The following ETV6 variants were observed in gnomAD, a reference collection of about 807,000 sequenced individuals.
The protein encoded by ETV6 is ETS variant transcription factor 6.
In ETV6, 16 loss-of-function variants were observed where a neutral mutation model predicts 51.1. The ratio of observed to expected loss-of-function variants is 0.31; its 90% confidence interval spans 0.21 to 0.48. The LOEUF (loss-of-function observed/expected upper bound fraction) is 0.48, where lower values mean the gene tolerates loss of function less well. Among genes scored for constraint, ETV6 ranks in the 20% least tolerant of loss-of-function variants. The probability of loss-of-function intolerance (pLI) is 0.99; values close to 1 mark genes in which losing one functional copy is unlikely to be tolerated. For missense variants in ETV6, 458 were observed against 594.8 expected (o/e 0.77, Z 2.39); for synonymous variants, 240 against 224.1 (o/e 1.07, Z -0.64).
chr12:11,705,969 G>A (rs1457289678), intron 1 of ETV6, among the ~76,000 whole-genome samples: 1 of 151,688 alleles, frequency 6.6e-6, no homozygotes, highest in Non-Finnish European at 1.5e-5. Flanking sequence ...TTATTGTAGC[G>A]GCAGGAGCTC....
chr12:11,774,714 G>A (rs182484413), intron 2 of ETV6, among the ~76,000 whole-genome samples: 1 of 152,274 alleles, frequency 6.6e-6, no homozygotes, highest in African/African-American at 2.4e-5. Flanking sequence ...ACCTTTTCTA[G>A]CACAATCAAG....
chr12:11,834,933 A>C (rs554383473), intron 2 of ETV6, among the ~76,000 whole-genome samples: 1 of 152,344 alleles, frequency 6.6e-6, no homozygotes, highest in African/African-American at 2.4e-5. Flanking sequence ...CCCAGAATCA[A>C]ATGTTAATTC....
At chr12:11,735,847 G>A (rs12310333) in intron 1 of ETV6, among the ~76,000 whole-genome samples, 10,227 of 152,260 alleles carry the variant, frequency 0.067, 1,106 homozygotes, top group African/African-American at 0.23. Context: ...TGATCCACCC[G>A]CCTTGGCCTC....
At chr12:11,809,961 AGGCAC>A (rs1945889571) in intron 2 of ETV6, among the ~76,000 whole-genome samples, 1 of 151,826 alleles carries the variant, frequency 6.6e-6, no homozygotes, top group African/African-American at 2.4e-5. Flanking sequence ...CTGGGACTAC[AGGCAC>A]GCACCACAAC....
intron 2 of ETV6, among the ~76,000 whole-genome samples, chr12:11,806,395 G>A (rs1204160352): frequency 1.3e-5 from 2 of 152,196 alleles, no homozygotes; most frequent in African/African-American, 2.4e-5. Context: ...ATAAGCATTT[G>A]ATAGTGTTCT....
At chr12:11,697,373 A>T (rs1310208330) in intron 1 of ETV6, among the ~76,000 whole-genome samples, 1 of 152,224 alleles carries the variant, frequency 6.6e-6, no homozygotes, top group Non-Finnish European at 1.5e-5. Context: ...AGGTGCAGGA[A>T]AAGTTGAAAG....
chr12:11,741,208 A>T (rs571960616), intron 1 of ETV6, among the ~76,000 whole-genome samples: 1 of 152,294 alleles, frequency 6.6e-6, no homozygotes, highest in East Asian at 1.9e-4. Flanking sequence ...TAAGGAAAAA[A>T]ATGTGTCCCA....
intron 2 of ETV6, among the ~76,000 whole-genome samples, chr12:11,800,361 GC>G (rs1039463230): frequency 1.3e-5 from 2 of 152,118 alleles, no homozygotes; most frequent in African/African-American, 2.4e-5. Flanking sequence ...ATGTGGACTG[GC>G]TAGATCAAGC....
chr12:11,669,321 T>TCCTC (rs933439017), intron 1 of ETV6, among the ~76,000 whole-genome samples: 18 of 146,994 alleles, frequency 1.2e-4, no homozygotes, highest in Non-Finnish European at 2.5e-4. Context: ...CTTCTTTCCT[T>TCCTC]CCTCCCTCCC....
chr12:11,673,313 A>G (rs977721616), intron 1 of ETV6, among the ~76,000 whole-genome samples: 4 of 152,196 alleles, frequency 2.6e-5, no homozygotes, highest in African/African-American at 7.2e-5. Flanking sequence ...GGAGATGTCC[A>G]TGAAGAAGAA....
intron 4 of ETV6, among the ~76,000 whole-genome samples, chr12:11,868,513 C>T (rs1209815137): frequency 6.7e-6 from 1 of 148,822 alleles, no homozygotes; most frequent in Non-Finnish European, 1.5e-5. Flanking sequence ...TCTTGGCTCG[C>T]TGCAACCTCC....
chr12:11,676,402 A>C (rs992870755), intron 1 of ETV6, among the ~76,000 whole-genome samples: 1 of 152,178 alleles, frequency 6.6e-6, no homozygotes, highest in African/African-American at 2.4e-5. Flanking sequence ...GTTAAAGCCC[A>C]ACTAACCCTG....
Position 11,723,392 on chromosome 12 carries a change from G to T in ETV6, c.34-29058G>T, listed in dbSNP as rs541262283. Reference sequence around the variant, plus strand: ...CAACGCACTCTCCCTCCTTTCCCATGTCCTGCTTGCCTTCTTTCTTCCACT... The same window carrying T: ...CAACGCACTCTCCCTCCTTTCCCATTTCCTGCTTGCCTTCTTTCTTCCACT... On this transcript the variant is annotated intron_variant, in intron 1 of 7. Coordinates refer to ENST00000396373, the MANE Select transcript of ETV6 (RefSeq NM_001987.5). Among the ~76,000 whole-genome samples the T allele has an allele frequency of 5.3e-5, 8 of 152,142 alleles. No individual in the cohort carries two copies. In the South Asian group the frequency reaches 1.7e-3, roughly 32 times the overall value.
At chr12:11,733,240 C>T (rs148040375) in intron 1 of ETV6, among the ~76,000 whole-genome samples, 1 of 152,014 alleles carries the variant, frequency 6.6e-6, no homozygotes, top group Non-Finnish European at 1.5e-5. Flanking sequence ...AACCCTGTCT[C>T]TACTAAAAAT....
At chr12:11,687,235 A>G (rs1161733257) in intron 1 of ETV6, among the ~76,000 whole-genome samples, 1 of 95,268 alleles carries the variant, frequency 1.0e-5, no homozygotes, top group Non-Finnish European at 2.0e-5. Context: ...TTTTCAGCTC[A>G]CTGCAACCTC....
chr12:11,742,491 A>T (rs2121024914), intron 1 of ETV6, among the ~76,000 whole-genome samples: 1 of 152,352 alleles, frequency 6.6e-6, no homozygotes, highest in Non-Finnish European at 1.5e-5. Context: ...TAAAGGAAAC[A>T]CAGGTGTGTA....
At chr12:11,713,700 G>A (rs1464564255) in intron 1 of ETV6, among the ~76,000 whole-genome samples, 9 of 152,084 alleles carry the variant, frequency 5.9e-5, no homozygotes. Context: ...GCCTTGCTTT[G>A]TTTTTCTTCA....
At chr12:11,665,328 T>G (rs1243495750) in intron 1 of ETV6, among the ~76,000 whole-genome samples, 3 of 152,224 alleles carry the variant, frequency 2.0e-5, no homozygotes, top group African/African-American at 7.2e-5. Flanking sequence ...CCTGGAATCT[T>G]CCCTCGATCT....
chr12:11,847,219 G>A (rs867847867), intron 3 of ETV6, among the ~76,000 whole-genome samples: 3 of 152,180 alleles, frequency 2.0e-5, no homozygotes, highest in Non-Finnish European at 2.9e-5. Flanking sequence ...AGGCCTTAAC[G>A]ATTACTCCCA....
Sources: gnomAD v4.1 joint callset for allele counts (sites outside exome capture counted in the v4.1 genomes callset) on GRCh38, gnomAD v4.1.1 for gene constraint, MANE v1.5 for transcripts, NCBI Gene and HGNC (gene_info 2026-07-23, HGNC 2026-07-21) for gene names.